Variants in MAN1A2 observed in about 807,000 individuals in gnomAD.
The protein encoded by MAN1A2 is mannosyl-oligosaccharide 1,2-alpha-mannosidase IB.
A neutral mutation model predicts 75.7 loss-of-function variants in MAN1A2; 26 were observed. The observed-to-expected ratio is 0.34, with a 90% CI of 0.25 to 0.48. MAN1A2 has a LOEUF of 0.48. MAN1A2 is among the 20% of genes least tolerant of loss of function. The probability of loss-of-function intolerance (pLI) is 0.99; values close to 1 mark genes in which losing one functional copy is unlikely to be tolerated. For synonymous variants in MAN1A2, 247 were observed against 264.6 expected (o/e 0.93, Z 0.65); for missense variants, 562 against 775.5 (o/e 0.72, Z 3.27).
rs1160590252 is a variant in MAN1A2 at position 117,506,594 on chromosome 1, T to TA, written c.1793+3628dup. Among the ~76,000 whole-genome samples, 4 of 151,732 alleles carry TA rather than the reference T, an allele frequency of 2.6e-5. No homozygotes were observed. In the South Asian group the frequency reaches 8.3e-4, roughly 31 times the overall value. On this transcript the variant is annotated intron_variant, in intron 12 of 12. Coordinates refer to ENST00000356554, the MANE Select transcript of MAN1A2 (RefSeq NM_006699.5). Reference sequence around the variant, plus strand: ...AACTCTTATACTCTAGTACAGGAAATAAAACACAAGCAATATATACAACAA... The same window carrying TA: ...AACTCTTATACTCTAGTACAGGAAATAAAAACACAAGCAATATATACAACAA...
rs957589970 is a variant in MAN1A2, at chr1:117,402,996, A to C, written c.558+555A>C. ...ATTTATTTAGCCTCAGAAGTCTTTC[A>C]ATTTGTTATTCTGTAGTTACTTAAA... On this transcript the variant is annotated intron_variant, in intron 2 of 12. Transcript: ENST00000356554. 1.1e-4 allele frequency among the ~76,000 whole-genome samples: 16 copies of C among 152,314 alleles called. 1 individual carries two copies. The highest frequency in any genetic ancestry group is 4.6e-4 in the Admixed American group (7 of 15,298).
chr1:117,401,728 C>T (rs551722771), intron 1 of MAN1A2, among the ~76,000 whole-genome samples: 1 of 152,288 alleles, frequency 6.6e-6, no homozygotes, highest in East Asian at 1.9e-4. Flanking sequence ...AGTATCTATG[C>T]ACTTTTGAAA....
intron 12 of MAN1A2, among the ~76,000 whole-genome samples, chr1:117,504,058 G>A (rs1651279020): frequency 6.6e-6 from 1 of 150,992 alleles, no homozygotes; most frequent in African/African-American, 2.4e-5. Context: ...CCTTATTACT[G>A]CTGGGATGGT....
chr1:117,496,814 G>C lies in MAN1A2; in HGVS notation c.1336G>C (p.Gly446Arg). ...KKSRGGLTFI[G>R]EWKNGHLEKK... ...GTCTCGTGGAGGTCTTACCTTTATTGGAGAATGGAAGAATGGGCACTTGGA... is the reference window on the plus strand; with the variant it reads ...GTCTCGTGGAGGTCTTACCTTTATTCGAGAATGGAAGAATGGGCACTTGGA... Residue 446 changes from glycine to arginine, a missense_variant, in exon 10 of 13, where the codon GGA (glycine) becomes CGA (arginine). Physicochemically the swap from Gly to Arg is moderately radical, Grantham distance 125 (BLOSUM62 -2). Around this residue, in one of 2 missense-constraint regions of MAN1A2, gnomAD observed 434 missense variants for 645.7 expected, o/e 0.67. Transcript: ENST00000356554. 6.2e-7 allele frequency: 1 copy of C among 1,612,542 alleles called. No individual in the cohort carries two copies. Among genetic ancestry groups the C allele is most frequent in the Non-Finnish European group, 8.5e-7 (1 of 1,179,102 alleles).
rs1165265892 is a variant in MAN1A2, at chr1:117,391,442, TG to T, written c.303-10743del. On this transcript the variant is annotated intron_variant, in intron 1 of 12. Transcript: ENST00000356554. Reference sequence around the variant, plus strand: ...TACTTCTTTCATTTCTATCAGTTTTTGCTTCAGGTATTTTGAAATTTTGTTA... The same window carrying T: ...TACTTCTTTCATTTCTATCAGTTTTTCTTCAGGTATTTTGAAATTTTGTTA... Among the ~76,000 whole-genome samples, 5 of 152,338 alleles carry T rather than the reference TG, an allele frequency of 3.3e-5. No homozygotes were observed. In the East Asian group the frequency reaches 9.6e-4, roughly 29 times the overall value.
rs116736707 is a variant in MAN1A2 at position 117,392,899 on chromosome 1, G to A, written c.303-9287G>A. On this transcript the variant is annotated intron_variant, in intron 1 of 12. Transcript: ENST00000356554. ...ATTGGATTTGGTATAAAAGCTTGAG[G>A]TTCTGTGGATTTCTCAGTGCTTAGC... 4.1e-3 allele frequency among the ~76,000 whole-genome samples: 628 copies of A among 152,326 alleles called. 2 individuals carry two copies. The highest frequency in any genetic ancestry group is 5.3e-3 in the Non-Finnish European group (359 of 68,026).
intron 9 of MAN1A2, chr1:117,494,738 G>C (rs1263523315): frequency 1.3e-5 from 2 of 151,942 alleles, no homozygotes; most frequent in Admixed American, 1.3e-4. Flanking sequence ...AACGTAGAAA[G>C]TTGTATGATC....
chr1:117,515,834 G>A (rs1232630599), intron 12 of MAN1A2: 3 of 152,058 alleles, frequency 2.0e-5, no homozygotes, highest in Non-Finnish European at 4.4e-5. Context: ...ATGGAAATGA[G>A]TTTTAGTTTT....
Position 117,405,652 on chromosome 1 carries a change from T to G in MAN1A2, c.655+7T>G. 2.0e-6 allele frequency: 3 copies of G among 1,493,238 alleles called. No homozygotes were observed. Among genetic ancestry groups the G allele is most frequent in the Non-Finnish European group, 2.8e-6 (3 of 1,072,992 alleles). 92.5% of individuals were successfully genotyped at this position (1,493,238 alleles called of 1,614,324 possible). ...CACTCCCCTAACATATTTGGTAAGT[T>G]TACTTTTTCTAATTACTATTTCCAT... On this transcript the variant is annotated splice_region_variant and intron_variant, in intron 3 of 12. Transcript: ENST00000356554.
intron 12 of MAN1A2, among the ~76,000 whole-genome samples, chr1:117,520,154 G>A (rs905279612): frequency 2.6e-5 from 4 of 151,884 alleles, no homozygotes; most frequent in African/African-American, 4.8e-5. Flanking sequence ...CAGCAAAATC[G>A]GCATACAAGG....
At chr1:117,467,622 G>A (rs1346437820) in intron 8 of MAN1A2, among the ~76,000 whole-genome samples, 4 of 152,030 alleles carry the variant, frequency 2.6e-5, no homozygotes, top group African/African-American at 4.8e-5. Context: ...CCTAGACTGA[G>A]TGGGAATGAT....
rs115087117 is a variant in MAN1A2 at position 117,409,332 on chromosome 1, T to C, written c.655+3687T>C. 3.8e-3 allele frequency among the ~76,000 whole-genome samples: 585 copies of C among 152,250 alleles called. 7 individuals carry two copies. Among genetic ancestry groups the C allele is most frequent in the African/African-American group, 0.013 (556 of 41,572 alleles). ...ATTTTCATTTTCATTCAATTCAGTG[T>C]TTTAAAATTTTCCTTGCGTAAGTTT... On this transcript the variant is annotated intron_variant, in intron 3 of 12. Transcript: ENST00000356554.
intron 1 of MAN1A2, among the ~76,000 whole-genome samples, chr1:117,382,662 C>T (rs535901737): frequency 5.3e-5 from 8 of 152,124 alleles, no homozygotes; most frequent in Middle Eastern, 3.4e-3. Flanking sequence ...CTTGGCGATG[C>T]GGGCTCTTTT....
In MAN1A2 at chr1:117,460,939, G is replaced by A. The variant is rs10923306; in HGVS notation, c.1074+327G>A. ...TAACCAGATGTTTAGGAATTGAAAA[G>A]GAGGAAAGAAAACAGTAGTTATTCA... On this transcript the variant is annotated intron_variant, in intron 7 of 12. Transcript: ENST00000356554. Among the ~76,000 whole-genome samples the A allele has an allele frequency of 3.8e-3, 586 of 152,232 alleles. 7 individuals carry two copies. Among genetic ancestry groups the A allele is most frequent in the African/African-American group, 0.013 (557 of 41,550 alleles).
chr1:117,388,014 A>G (rs1653596104), intron 1 of MAN1A2, among the ~76,000 whole-genome samples: 1 of 137,528 alleles, frequency 7.3e-6, no homozygotes, highest in Non-Finnish European at 1.5e-5. Flanking sequence ...TCCAAATACT[A>G]TCACTTTGGG....
chr1:117,463,386 T>C (rs1455629759), intron 7 of MAN1A2, among the ~76,000 whole-genome samples: 1 of 152,026 alleles, frequency 6.6e-6, no homozygotes, highest in East Asian at 1.9e-4. Flanking sequence ...GCGTCAAATA[T>C]GTAATTGCCT....
At chr1:117,485,744 A>G (rs1445008925) in intron 8 of MAN1A2, among the ~76,000 whole-genome samples, 1 of 151,986 alleles carries the variant, frequency 6.6e-6, no homozygotes, top group Non-Finnish European at 1.5e-5. Context: ...TTAAAAAATC[A>G]CATGATTTCA....
intron 5 of MAN1A2, among the ~76,000 whole-genome samples, chr1:117,427,389 C>T (rs1483783811): frequency 6.6e-6 from 1 of 152,082 alleles, no homozygotes; most frequent in Admixed American, 6.5e-5. Context: ...TGACTGTTGT[C>T]ATTGGAAGGG....
chr1:117,433,365 A>T (rs1648738892), intron 5 of MAN1A2, among the ~76,000 whole-genome samples: 1 of 152,202 alleles, frequency 6.6e-6, no homozygotes, highest in South Asian at 2.1e-4. Flanking sequence ...AGAGCTACTC[A>T]ACCTGTACTA....
Sources: gnomAD v4.1 joint callset for allele counts (sites outside exome capture counted in the v4.1 genomes callset) on GRCh38, gnomAD v4.1.1 for gene constraint, gnomAD v4.1.1 regional missense constraint, MANE v1.5 for transcripts, NCBI Gene and HGNC (gene_info 2026-07-23, HGNC 2026-07-21) for gene names.